PDCD6IP: variants seen among roughly 807,000 people sequenced by gnomAD.
PDCD6IP encodes the protein programmed cell death 6-interacting protein.
In PDCD6IP, 43 loss-of-function variants were observed where a neutral mutation model predicts 103.7. That is an observed-to-expected ratio of 0.41 (90% CI 0.32 to 0.53). PDCD6IP has a LOEUF of 0.53. PDCD6IP is among the 20% of genes least tolerant of loss of function. The probability of loss-of-function intolerance (pLI) is 0.16; values close to 1 mark genes in which losing one functional copy is unlikely to be tolerated. For missense variants in PDCD6IP, 871 were observed against 1,036.7 expected (o/e 0.84, Z 2.20); for synonymous variants, 354 against 378.7 (o/e 0.93, Z 0.76).
At position 33,825,241 on chromosome 3, in the gene PDCD6IP, C is replaced by G. The variant is rs757821681; in HGVS notation, c.517C>G (p.Arg173Gly). The change falls in exon 5 of 18, where the codon CGA becomes GGA. Residue 173 changes from arginine (R) to glycine (G), a missense_variant. Arg to Gly is a moderately radical substitution (Grantham distance 125). Around this residue, in one of 5 missense-constraint regions of PDCD6IP, gnomAD observed 242 missense variants for 250.7 expected, o/e 0.97. Transcript: ENST00000307296. The stretch of plus-strand genomic sequence containing the variant: ...AGAGACGGTTTTATCTGCCTTAAGT[C>G]GAGAGCCGACCGTGGACATATCTCC... ...IKETVLSALSREPTVDISPDT... is the reference protein window; with the variant it reads ...IKETVLSALSGEPTVDISPDT... The G allele has an allele frequency of 1.9e-6, 3 of 1,613,334 alleles. No homozygotes were observed. The highest frequency in any genetic ancestry group is 2.5e-6 in the Non-Finnish European group (3 of 1,179,762).
At chr3:33,853,073 G>A (rs1575940774) in intron 13 of PDCD6IP, among the ~76,000 whole-genome samples, 2 of 151,938 alleles carry the variant, frequency 1.3e-5, no homozygotes, top group African/African-American at 2.4e-5. Context: ...ATAGGCGCCC[G>A]CCACCACGCC....
chr3:33,822,203 C>T, intron 4 of PDCD6IP, 121 bp downstream of exon 4: 1 of 987,872 alleles, frequency 1.0e-6, no homozygotes, highest in Non-Finnish European at 1.5e-6. Flanking sequence ...AACGAATGCA[C>T]TTTTAAAATG....
At chr3:33,865,123 G>T in intron 16 of PDCD6IP, 120 bp from the exon 17 acceptor site, 1 of 625,268 alleles carries the variant, frequency 1.6e-6, no homozygotes, top group Non-Finnish European at 2.6e-6. Flanking sequence ...TTAAGAATGG[G>T]AATTAAAAAT....
intron 9 of PDCD6IP, among the ~76,000 whole-genome samples, chr3:33,841,630 G>T (rs1697476685): frequency 6.6e-6 from 1 of 150,964 alleles, no homozygotes; most frequent in Non-Finnish European, 1.5e-5. Context: ...AGTAGAGACG[G>T]GGTTTCACCA....
intron 7 of PDCD6IP, 33 bp downstream of exon 7, chr3:33,829,002 T>C: frequency 6.6e-7 from 1 of 1,515,908 alleles, no homozygotes; most frequent in Non-Finnish European, 8.9e-7. Context: ...TTTAAGTAAC[T>C]AACTTGGATC....
intron 3 of PDCD6IP, among the ~76,000 whole-genome samples, chr3:33,817,958 T>C (rs1002685046): frequency 2.0e-5 from 3 of 152,016 alleles, no homozygotes; most frequent in African/African-American, 7.2e-5. Context: ...AAAGCTCTTA[T>C]ACATGACAAA....
intron 3 of PDCD6IP, among the ~76,000 whole-genome samples, chr3:33,814,094 T>C (rs1696777170): frequency 1.3e-5 from 2 of 152,072 alleles, no homozygotes; most frequent in South Asian, 4.1e-4. Context: ...CTCTGTGCCT[T>C]AATTTTCTTA....
chr3:33,843,844 A>T (rs552142433), intron 10 of PDCD6IP, among the ~76,000 whole-genome samples: 2 of 149,746 alleles, frequency 1.3e-5, no homozygotes, highest in Non-Finnish European at 3.0e-5. Flanking sequence ...TTAAATTGAT[A>T]TATGGATGTA....
rs1401113966 is a variant in PDCD6IP, at chr3:33,867,901, T to A, written c.*1376T>A. The A allele has an allele frequency of 6.6e-6, 1 of 152,230 alleles. No individual in the cohort carries two copies. Among genetic ancestry groups the A allele is most frequent in the South Asian group, 2.1e-4 (1 of 4,830 alleles). 9.4% of individuals were successfully genotyped at this position (152,230 alleles called of 1,614,324 possible). On this transcript the variant is annotated 3_prime_UTR_variant, in exon 18 of 18. Coordinates refer to ENST00000307296, the MANE Select transcript of PDCD6IP (RefSeq NM_013374.6). Reference sequence around the variant, plus strand: ...GATAGTGTTACTTGTCCCACTGTTGTTTTCATTGAGTTTGGATTTATATTT... The same window carrying A: ...GATAGTGTTACTTGTCCCACTGTTGATTTCATTGAGTTTGGATTTATATTT...
chr3:33,853,561 C>T (rs1697764738), intron 13 of PDCD6IP, among the ~76,000 whole-genome samples: 1 of 152,112 alleles, frequency 6.6e-6, no homozygotes, highest in African/African-American at 2.4e-5. Flanking sequence ...TACTCCTAAA[C>T]ATTGTATCTA....
intron 3 of PDCD6IP, among the ~76,000 whole-genome samples, chr3:33,819,081 T>C (rs188268300): frequency 1.3e-5 from 2 of 152,254 alleles, no homozygotes; most frequent in East Asian, 1.9e-4. Flanking sequence ...TTGTCTCTTT[T>C]GTCTCTCTTT....
chr3:33,811,976 C>T, intron 1 of PDCD6IP, 96 bp from the exon 2 acceptor site: 1 of 1,412,796 alleles, frequency 7.1e-7, no homozygotes, highest in African/African-American at 1.5e-5. Context: ...TCAAAGTAAG[C>T]ATGAATAATT....
At chr3:33,843,222 A>G (rs1203971888) in intron 10 of PDCD6IP, among the ~76,000 whole-genome samples, 2 of 152,142 alleles carry the variant, frequency 1.3e-5, no homozygotes, top group African/African-American at 4.8e-5. Flanking sequence ...TTCTGTTTTA[A>G]AAATTCATCC....
Position 33,825,282 on chromosome 3 carries a change from C to G in PDCD6IP, c.558C>G (p.Thr186=), listed in dbSNP as rs1336571791. Residue 186 remains threonine (T), a synonymous_variant, in exon 5 of 18, where the codon ACC becomes ACG. Transcript: ENST00000307296. ...TVDISPDTVG[T]LSLIMLAQAQ... ...ACATATCTCCAGATACTGTTGGGAC[C>G]CTCAGTCTTATTATGCTGGCACAGG... is the stretch of plus-strand genomic sequence containing the variant. The G allele has an allele frequency of 6.2e-7, 1 of 1,613,400 alleles. No individual in the cohort carries two copies. The highest frequency in any genetic ancestry group is 1.7e-5 in the Admixed American group (1 of 59,878).
At chr3:33,801,427 A>G (rs990106637) in intron 1 of PDCD6IP, among the ~76,000 whole-genome samples, 1 of 152,148 alleles carries the variant, frequency 6.6e-6, no homozygotes, top group African/African-American at 2.4e-5. Context: ...TTGTTTTCTT[A>G]TTACTAACTT....
chr3:33,826,042 G>A (rs1475182823), intron 5 of PDCD6IP, among the ~76,000 whole-genome samples: 2 of 152,130 alleles, frequency 1.3e-5, no homozygotes, highest in Admixed American at 1.3e-4. Context: ...GGCTGAATAT[G>A]TAATATGGGC....
intron 11 of PDCD6IP, among the ~76,000 whole-genome samples, chr3:33,844,606 G>C (rs938184864): frequency 1.3e-5 from 2 of 152,048 alleles, no homozygotes; most frequent in African/African-American, 4.8e-5. Context: ...TCAACCTCCT[G>C]AGTAGCTGAC....
At chr3:33,822,163 G>A in intron 4 of PDCD6IP, 81 bp downstream of exon 4, 1 of 1,400,592 alleles carries the variant, frequency 7.1e-7, no homozygotes, top group Non-Finnish European at 1.0e-6. Context: ...TAGGTTTATA[G>A]ATACTTCTTA....
At chr3:33,809,862 C>T (rs1696678550) in intron 1 of PDCD6IP, among the ~76,000 whole-genome samples, 1 of 152,150 alleles carries the variant, frequency 6.6e-6, no homozygotes, top group Admixed American at 6.5e-5. Context: ...AAAGGCTTGT[C>T]TCATTTTCTT....
Sources: allele counts gnomAD v4.1 joint callset (sites outside exome capture counted in the v4.1 genomes callset), GRCh38; gene constraint gnomAD v4.1.1; regional missense constraint gnomAD v4.1.1; transcripts MANE v1.5; gene names NCBI Gene and HGNC (gene_info 2026-07-23, HGNC 2026-07-21).